The following NAV1 variants were observed in gnomAD, a reference collection of about 807,000 sequenced individuals.
The protein encoded by NAV1 is neuron navigator 1.
A neutral mutation model predicts 175.2 loss-of-function variants in NAV1; 18 were observed. The observed-to-expected ratio is 0.10, with a 90% CI of 0.07 to 0.15. The LOEUF is 0.15. Ranked by LOEUF, NAV1 falls within the 10% of genes least tolerant of loss-of-function variation. The pLI, the probability that NAV1 is intolerant of heterozygous loss-of-function variation, is 1.00. For synonymous variants in NAV1, 897 were observed against 978.7 expected, an observed-to-expected ratio of 0.92 and a Z score of 1.56; for missense variants, 1,731 against 2,436.6, an observed-to-expected ratio of 0.71 and a Z score of 6.10.
chr1:201,648,946 A>G, exon 1 of NAV1: 2 of 1,612,720 alleles, frequency 1.2e-6, no homozygotes, highest in Non-Finnish European at 1.7e-6. Context: ...TCACTCACCA[A>G]CCTCTCTTTT....
intron 15 of NAV1, among the ~76,000 whole-genome samples, chr1:201,802,136 C>CAAAAAAAAAAAAAAAAAA (rs771631007): frequency 3.4e-4 from 7 of 20,306 alleles, no homozygotes; most frequent in Non-Finnish European, 5.5e-4. Context: ...GACTCCGTCT[C>CAAAAAAAAAAAAAAAAAA]AAAAAAAAAA....
At chr1:201,685,200 ACTGCAC>A (rs1298793161) in intron 1 of NAV1, among the ~76,000 whole-genome samples, 1 of 151,658 alleles carries the variant, frequency 6.6e-6, no homozygotes, top group Non-Finnish European at 1.5e-5. Context: ...TGATCACGCC[ACTGCAC>A]CTCCAGCCTG....
chr1:201,649,098 C>T (rs760988498), exon 1 of NAV1: 2 of 1,612,924 alleles, frequency 1.2e-6, no homozygotes, highest in Admixed American at 3.3e-5. Flanking sequence ...CAAGTCGGAG[C>T]ACTCGCTCTT....
At chr1:201,549,118 T>TCTTC (rs1318404087) in intron 1 of NAV1, among the ~76,000 whole-genome samples, 1 of 150,596 alleles carries the variant, frequency 6.6e-6, no homozygotes, top group African/African-American at 2.4e-5. Flanking sequence ...TTTCTTTCTT[T>TCTTC]CTTTCTTTCT....
chr1:201,718,501 G>A lies in NAV1; in HGVS notation c.972G>A (p.Arg324=). The A allele has an allele frequency of 6.2e-7, 1 of 1,608,838 alleles. No homozygotes were observed. The highest frequency in any genetic ancestry group is 8.5e-7 in the Non-Finnish European group (1 of 1,176,446). Residue 324 remains arginine, a synonymous_variant, in exon 3 of 30, where the codon CGG becomes CGA. Transcript: ENST00000367296. The surrounding 1 kb of genome is among the most constrained non-coding windows in gnomAD (Gnocchi z 4.8). ...GGCGCTATGGCCAGTCCAGTCCGCG[G>A]CTGCAGGCTGGTGACGCGCCCTCTG...
chr1:201,764,830 G>A (rs1386094288), intron 3 of NAV1, among the ~76,000 whole-genome samples: 2 of 152,242 alleles, frequency 1.3e-5, no homozygotes, highest in Non-Finnish European at 2.9e-5. Context: ...AACTGCAAGG[G>A]CATTCGGTTC....
Position 201,586,395 on chromosome 1 carries a change from C to T in NAV1, c.-143-2144C>T, listed in dbSNP as rs531562947. Reference sequence around the variant, plus strand: ...AAGCTAGATGGTAGTGACAGTTGCACAAAACTTTGACTATACTTAATCAAT... The same window carrying T: ...AAGCTAGATGGTAGTGACAGTTGCATAAAACTTTGACTATACTTAATCAAT... On this transcript the variant is annotated intron_variant, in intron 1 of 33. Transcript: ENST00000685211. Among the ~76,000 whole-genome samples, 10 of 152,268 alleles carry T rather than the reference C, an allele frequency of 6.6e-5. No homozygotes were observed. In the East Asian group the frequency reaches 1.9e-3, roughly 29 times the overall value.
intron 1 of NAV1, among the ~76,000 whole-genome samples, chr1:201,584,712 C>T (rs1666975196): frequency 2.0e-5 from 3 of 152,318 alleles, no homozygotes; most frequent in South Asian, 2.1e-4. Flanking sequence ...AGAGCTTAGC[C>T]CATCAGCCCT....
intron 1 of NAV1, among the ~76,000 whole-genome samples, chr1:201,679,589 A>T (rs1271496494): frequency 6.6e-6 from 1 of 152,192 alleles, no homozygotes; most frequent in East Asian, 1.9e-4. Context: ...CCCAGTCACC[A>T]GATACTTCAC....
In NAV1 at chr1:201,641,858, C is replaced by A. The variant is rs75860460; in HGVS notation, c.5-6776C>A. ...CCCTGGAGGAAGCCAAGTATGGGCT[C>A]ATGTGCCCCCTTCTCCCTCCCGCAA... On this transcript the variant is annotated intron_variant, in intron 2 of 29. Transcript: ENST00000367302. Among the ~76,000 whole-genome samples the A allele has an allele frequency of 7.2e-3, 1,093 of 152,232 alleles. 14 individuals are homozygous for A. Among genetic ancestry groups the A allele is most frequent in the African/African-American group, 0.025 (1,036 of 41,542 alleles).
chr1:201,619,218 C>T (rs1010992930), upstream of NAV1, among the ~76,000 whole-genome samples: 3 of 152,234 alleles, frequency 2.0e-5, no homozygotes, highest in African/African-American at 4.8e-5. Context: ...CATTAGCAAG[C>T]GAGGGAGACG....
rs893782796 is a variant in NAV1 at position 201,539,456 on chromosome 1, G to A, written c.-144+114G>A. Among the ~76,000 whole-genome samples the A allele has an allele frequency of 3.9e-5, 6 of 152,088 alleles. No individual in the cohort carries two copies. Among genetic ancestry groups the A allele is most frequent in the African/African-American group, 1.4e-4 (6 of 41,426 alleles). On this transcript the variant is annotated intron_variant, in intron 1 of 33. Coordinates refer to the NAV1 transcript ENST00000685211. The surrounding 1 kb of genome is among the most constrained non-coding windows in gnomAD (Gnocchi z 5.6). Reference sequence around the variant, plus strand: ...GAGGCCGAGACCAAGTCTCGGGGTAGGGGAGGTTGGTGCCCGAGGGAGGCT... The same window carrying A: ...GAGGCCGAGACCAAGTCTCGGGGTAAGGGAGGTTGGTGCCCGAGGGAGGCT...
chr1:201,559,852 C>T (rs1191312007), intron 1 of NAV1, among the ~76,000 whole-genome samples: 1 of 152,232 alleles, frequency 6.6e-6, no homozygotes, highest in Non-Finnish European at 1.5e-5. Flanking sequence ...AGTTGCCCAG[C>T]AGAACCCAGC....
chr1:201,591,753 A>G (rs562683380), intron 2 of NAV1, among the ~76,000 whole-genome samples: 1 of 152,112 alleles, frequency 6.6e-6, no homozygotes, highest in South Asian at 2.1e-4. Context: ...TCTCAGCGGC[A>G]TTGTCCCTCT....
chr1:201,608,156 C>G (rs1667742484), intron 2 of NAV1, among the ~76,000 whole-genome samples: 1 of 152,094 alleles, frequency 6.6e-6, no homozygotes, highest in Non-Finnish European at 1.5e-5. Context: ...TACAGCAATT[C>G]AGTGATGTAG....
intron 3 of NAV1, among the ~76,000 whole-genome samples, chr1:201,770,758 A>G (rs1372503117): frequency 1.3e-5 from 2 of 152,194 alleles, no homozygotes; most frequent in African/African-American, 2.4e-5. Flanking sequence ...CCCTAATTAT[A>G]GAGCAAATAA....
At chr1:201,793,938 G>T in intron 14 of NAV1, 63 bp downstream of exon 18, 2 of 1,402,976 alleles carry the variant, frequency 1.4e-6, no homozygotes, top group Non-Finnish European at 9.9e-7. Context: ...TGGACAGAGA[G>T]GCCGAAGCTG....
chr1:201,594,195 A>C (rs1397374593), intron 2 of NAV1, among the ~76,000 whole-genome samples: 3 of 151,902 alleles, frequency 2.0e-5, no homozygotes. Flanking sequence ...CCATTGGTAG[A>C]TCAAAAGGCC....
intron 2 of NAV1, among the ~76,000 whole-genome samples, chr1:201,610,107 G>A (rs1667803080): frequency 6.6e-6 from 1 of 152,218 alleles, no homozygotes; most frequent in South Asian, 2.1e-4. Context: ...GAAGGAAGCT[G>A]TGTGCCGGCT....
Sources: allele counts gnomAD v4.1 joint callset (sites outside exome capture counted in the v4.1 genomes callset), GRCh38; gene constraint gnomAD v4.1.1; non-coding constraint Gnocchi (gnomAD v3.1); transcripts MANE v1.5; gene names NCBI Gene and HGNC (gene_info 2026-07-23, HGNC 2026-07-21).